KSR2: variants seen among roughly 807,000 people sequenced by gnomAD.
KSR2 encodes the protein kinase suppressor of ras 2.
Under a neutral mutation model 107.8 loss-of-function variants are expected in KSR2, and 25 were observed. The ratio of observed to expected loss-of-function variants is 0.23; its 90% CI spans 0.17 to 0.32. The LOEUF (loss-of-function observed/expected upper bound fraction) is 0.32. KSR2 is among the 10% of genes least tolerant of loss of function. The pLI, the probability that KSR2 is intolerant of heterozygous loss-of-function variation, is 1.00. For synonymous variants in KSR2, 480 were observed against 507.0 expected (o/e 0.95, Z 0.71); for missense variants, 887 against 1,268.9 (o/e 0.70, Z 4.57).
At chr12:117,777,652 C>T (rs1355591352) in intron 3 of KSR2, among the ~76,000 whole-genome samples, 6 of 152,318 alleles carry the variant, frequency 3.9e-5, no homozygotes, top group African/African-American at 1.4e-4. Context: ...ATCCATCTTT[C>T]CCACTGGAAT....
intron 7 of KSR2, among the ~76,000 whole-genome samples, chr12:117,574,156 T>A (rs1356013485): frequency 6.6e-6 from 1 of 152,104 alleles, no homozygotes. Context: ...CCCAGAGGTA[T>A]TGAACCTGAG....
chr12:117,730,479 TCGTCTCCCCTCTCCC>T (rs1887621204), intron 4 of KSR2, among the ~76,000 whole-genome samples: 1 of 148,266 alleles, frequency 6.7e-6, no homozygotes, highest in Admixed American at 6.7e-5. Context: ...CCCCTCTCCC[TCGTCTCCCCTCTCCC>T]TCTCCCCCTT....
chr12:117,767,281 C>T lies in KSR2; in HGVS notation c.473-5757G>A, dbSNP rs1458189141. 2.1e-4 allele frequency among the ~76,000 whole-genome samples: 31 copies of T among 145,926 alleles called. No homozygotes were observed. In the East Asian group the frequency reaches 5.9e-3, roughly 28 times the overall value. ...CCAAAAAAAAAAAAAAAAAAATAGC[C>T]GGGCGTGGTGGCGGGCGCGTGTAGT... On this transcript the variant is annotated intron_variant, in intron 3 of 19. Coordinates refer to ENST00000339824, the MANE Select transcript of KSR2 (RefSeq NM_173598.6).
At chr12:117,743,178 C>T (rs572142240) in intron 4 of KSR2, among the ~76,000 whole-genome samples, 3 of 152,344 alleles carry the variant, frequency 2.0e-5, no homozygotes, top group Non-Finnish European at 2.9e-5. Flanking sequence ...CAAAAATAAG[C>T]CTGCCAACTA....
intron 5 of KSR2, among the ~76,000 whole-genome samples, chr12:117,613,391 TTCAGCTACTGGCCCTG>T (rs958200744): frequency 6.6e-6 from 1 of 152,166 alleles, no homozygotes; most frequent in African/African-American, 2.4e-5. Flanking sequence ...GTCCCAGACT[TTCAGCTACTGGCCCTG>T]TCTAAGTTGT....
In KSR2 at chr12:117,484,247, A is replaced by T. The variant is rs946001075; in HGVS notation, c.2450+169T>A. On this transcript the variant is annotated intron_variant, in intron 16 of 19. Transcript: ENST00000339824. ...GCAAGGTGCTGGCCCCCCCAGGGGG[A>T]AACAGAGCAGGGCCTTGGCATCCCA... Among the ~76,000 whole-genome samples the T allele has an allele frequency of 2.0e-5, 3 of 152,286 alleles. No individual in the cohort carries two copies. In the South Asian group the frequency reaches 6.2e-4, roughly 32 times the overall value.
At position 117,463,386 on chromosome 12, in the gene KSR2, A is replaced by G. The variant is rs1480260826; in HGVS notation, c.*3813T>C. 1 of 152,138 alleles carries G rather than the reference A, an allele frequency of 6.6e-6. No individual in the cohort carries two copies. The highest frequency in any genetic ancestry group is 1.5e-5 in the Non-Finnish European group (1 of 68,036). The allele number at this position is 152,138 out of a possible 1,614,324, so 9.4% of individuals were successfully genotyped here. A position where few individuals can be genotyped will look rare whatever the true frequency, so the allele number is the denominator to read the frequency against. On this transcript the variant is annotated 3_prime_UTR_variant, in exon 20 of 20. Coordinates refer to ENST00000339824, the MANE Select transcript of KSR2 (RefSeq NM_173598.6). ...GTTCCTCCCCTGACAGCCATATCCA[A>G]TCCTCTCTATCAAAGGCTAGCAAAG...
intron 4 of KSR2, among the ~76,000 whole-genome samples, chr12:117,680,937 TACAG>T (rs1363919480): frequency 1.3e-5 from 2 of 152,098 alleles, no homozygotes; most frequent in African/African-American, 4.8e-5. Context: ...GATGGGGGAA[TACAG>T]ACAAACAGAT....
intron 2 of KSR2, among the ~76,000 whole-genome samples, chr12:117,858,169 A>C (rs573047056): frequency 2.6e-4 from 39 of 152,266 alleles, no homozygotes; most frequent in Admixed American, 9.8e-4. Flanking sequence ...AAACAACAAC[A>C]ACATGTCTGC....
intron 1 of KSR2, among the ~76,000 whole-genome samples, chr12:117,965,964 T>C (rs1896773312): frequency 2.0e-5 from 3 of 151,540 alleles, no homozygotes; most frequent in Admixed American, 2.0e-4. Context: ...GAAATACAAA[T>C]TGGAATAATT....
chr12:117,713,440 C>T (rs1886868777), intron 4 of KSR2, among the ~76,000 whole-genome samples: 1 of 152,034 alleles, frequency 6.6e-6, no homozygotes, highest in African/African-American at 2.4e-5. Flanking sequence ...GATTTTGGCA[C>T]CTTAGTTATT....
rs560195264 is a variant in KSR2, at chr12:117,799,373, G to A, written c.473-37849C>T. ...AAAAATTAGCTGGGCGTGGTGGCAC[G>A]CACCTGTAATCCCAGCTACTCAGGA... is the stretch of plus-strand genomic sequence containing the variant. On this transcript the variant is annotated intron_variant, in intron 3 of 19. Transcript: ENST00000339824. Among the ~76,000 whole-genome samples, 10 of 151,878 alleles carry A rather than the reference G, an allele frequency of 6.6e-5. No individual in the cohort carries two copies. The East Asian group carries it at 1.7e-3, about 26-fold the overall frequency.
At chr12:117,578,692 C>T (rs1287830126) in intron 7 of KSR2, among the ~76,000 whole-genome samples, 1 of 151,908 alleles carries the variant, frequency 6.6e-6, no homozygotes, top group African/African-American at 2.4e-5. Flanking sequence ...GGGCCACAGC[C>T]AGCCTGCAGT....
intron 14 of KSR2, among the ~76,000 whole-genome samples, chr12:117,510,413 A>G (rs947954953): frequency 3.3e-5 from 5 of 152,138 alleles, no homozygotes; most frequent in African/African-American, 9.7e-5. Context: ...AGGCTCAGAG[A>G]GGTGAGGTGA....
rs143260567 is a variant in KSR2, at chr12:117,502,498, G to A, written c.2220-16807C>T. ...AGGTTGCCTAGGGGTGGGGAAAGTT[G>A]GGAGGAGGGTAGTGGGGAATGACTG... On this transcript the variant is annotated intron_variant, in intron 14 of 19. Transcript: ENST00000339824. Among the ~76,000 whole-genome samples, 348 of 152,246 alleles carry A rather than the reference G, an allele frequency of 2.3e-3. 3 individuals carry two copies. The highest frequency in any genetic ancestry group is 4.0e-3 in the Non-Finnish European group (274 of 68,014).
intron 3 of KSR2, among the ~76,000 whole-genome samples, chr12:117,793,714 CACACTCACACCAGCAT>C (rs1249110486): frequency 6.7e-6 from 1 of 148,480 alleles, no homozygotes; most frequent in Admixed American, 6.7e-5. Context: ...ACACACCATG[CACACTCACACCAGCAT>C]GCACTCATAC....
chr12:117,696,071 C>T (rs1886046263), intron 4 of KSR2, among the ~76,000 whole-genome samples: 1 of 152,184 alleles, frequency 6.6e-6, no homozygotes, highest in Non-Finnish European at 1.5e-5. Flanking sequence ...TCTCCACCTG[C>T]TCAGAGCCAA....
intron 3 of KSR2, among the ~76,000 whole-genome samples, chr12:117,780,762 T>C (rs1889855349): frequency 6.6e-6 from 1 of 152,220 alleles, no homozygotes; most frequent in Non-Finnish European, 1.5e-5. Flanking sequence ...ATGTAACCAC[T>C]AGGAAATTTT....
chr12:117,654,286 G>A (rs1295614008), intron 5 of KSR2, among the ~76,000 whole-genome samples: 3 of 152,146 alleles, frequency 2.0e-5, no homozygotes, highest in African/African-American at 7.2e-5. Flanking sequence ...GGTCCTGAAG[G>A]CACAAGTAAG....
Sources: allele counts gnomAD v4.1 joint callset (sites outside exome capture counted in the v4.1 genomes callset), GRCh38; gene constraint gnomAD v4.1.1; transcripts MANE v1.5; gene names NCBI Gene and HGNC (gene_info 2026-07-23, HGNC 2026-07-21).